TAOK3: variants seen among roughly 807,000 people sequenced by gnomAD.
The protein encoded by TAOK3 is TAO kinase 3.
TAOK3 carries 40 observed loss-of-function variants against 120.4 expected under a neutral mutation model. The ratio of observed to expected loss-of-function variants is 0.33; its 90% CI spans 0.26 to 0.43. The LOEUF (loss-of-function observed/expected upper bound fraction) is 0.43. Among genes scored for constraint, TAOK3 ranks in the 20% least tolerant of loss-of-function variants. The probability of loss-of-function intolerance (pLI) is 1.00; values close to 1 mark genes in which losing one functional copy is unlikely to be tolerated. For missense variants in TAOK3, 821 were observed against 1,112.1 expected, an observed-to-expected ratio of 0.74 and a Z score of 3.72; for synonymous variants, 355 against 387.5, an observed-to-expected ratio of 0.92 and a Z score of 0.99.
chr12:118,312,967 GC>G (rs1208796855), intron 1 of TAOK3, among the ~76,000 whole-genome samples: 1 of 152,136 alleles, frequency 6.6e-6, no homozygotes, highest in African/African-American at 2.4e-5. Flanking sequence ...GCTCTATTCT[GC>G]TGAGCCCTGT....
intron 9 of TAOK3, among the ~76,000 whole-genome samples, chr12:118,217,816 C>CAT (rs57197721): frequency 0.039 from 1,757 of 45,592 alleles, 31 homozygotes; most frequent in Non-Finnish European, 0.047. Flanking sequence ...TGTGTGTATA[C>CAT]ATATATATAT....
rs2035180783 is a variant in TAOK3 at position 118,160,962 on chromosome 12, CTTG to C, written c.2140-607_2140-605del. ...TTTTTTTCCCCATTAAGAGGTTGTG[CTTG>C]CATGTAGCAATATAAAATATGCATT... is the stretch of plus-strand genomic sequence containing the variant. On this transcript the variant is annotated intron_variant, in intron 18 of 20. Coordinates refer to ENST00000392533, the MANE Select transcript of TAOK3 (RefSeq NM_016281.4). This position sits in a 1 kb window ranked among gnomAD's most constrained non-coding sequence, Gnocchi z 4.2. Among the ~76,000 whole-genome samples, 1 of 152,140 alleles carries C rather than the reference CTTG, an allele frequency of 6.6e-6. No individual in the cohort carries two copies. The highest frequency in any genetic ancestry group is 1.5e-5 in the Non-Finnish European group (1 of 68,018).
intron 1 of TAOK3, among the ~76,000 whole-genome samples, chr12:118,361,139 T>A (rs2045584773): frequency 6.6e-6 from 1 of 152,192 alleles, no homozygotes; most frequent in Non-Finnish European, 1.5e-5. Context: ...ACAAGTGAAA[T>A]TTTTTCTCAA....
At position 118,207,746 on chromosome 12, in the gene TAOK3, T is replaced by C. The variant is rs139158909; in HGVS notation, c.819+5168A>G. Among the ~76,000 whole-genome samples, 137 of 151,980 alleles carry C rather than the reference T, an allele frequency of 9.0e-4. 2 individuals carry two copies. In the East Asian group the frequency reaches 0.014, roughly 16 times the overall value. ...GGCGTGTGCCTGTAATCCCAGCTGC[T>C]CAGGAGGCTGGGGCAGGAGAATTGC... On this transcript the variant is annotated intron_variant, in intron 11 of 20. Transcript: ENST00000392533.
chr12:118,157,000 A>G (rs1321992549), intron 19 of TAOK3, among the ~76,000 whole-genome samples: 1 of 152,088 alleles, frequency 6.6e-6, no homozygotes, highest in Non-Finnish European at 1.5e-5. Flanking sequence ...TCGGCCTCCC[A>G]AAGTGCTAGG....
chr12:118,221,454 T>G (rs960561315), intron 9 of TAOK3, among the ~76,000 whole-genome samples: 1 of 152,054 alleles, frequency 6.6e-6, no homozygotes, highest in African/African-American at 2.4e-5. Context: ...CTCAAACTCC[T>G]GACCTCAGGT....
intron 11 of TAOK3, 144 bp downstream of exon 11, chr12:118,212,764 TCTATGC>T (rs2038696087): frequency 5.5e-6 from 3 of 547,370 alleles, no homozygotes; most frequent in Non-Finnish European, 9.7e-6. Flanking sequence ...TCTTGCTATT[TCTATGC>T]CTAGCTACTT....
chr12:118,196,355 T>G (rs929843734), intron 13 of TAOK3, among the ~76,000 whole-genome samples: 1 of 152,106 alleles, frequency 6.6e-6, no homozygotes, highest in South Asian at 2.1e-4. Context: ...TTAAGGTCCT[T>G]CTTTGAAAAA....
chr12:118,255,180 A>G (rs1366329651), intron 3 of TAOK3, among the ~76,000 whole-genome samples: 1 of 152,250 alleles, frequency 6.6e-6, no homozygotes, highest in Non-Finnish European at 1.5e-5. Flanking sequence ...ATTTGCCTCT[A>G]CGGTAGATAT....
At chr12:118,308,931 C>CAAAAA (rs60574584) in intron 1 of TAOK3, among the ~76,000 whole-genome samples, 5 of 30,056 alleles carry the variant, frequency 1.7e-4, no homozygotes, top group East Asian at 1.3e-3. Flanking sequence ...ACTCTGTCTC[C>CAAAAA]AAAAAAAAAA....
At chr12:118,215,875 C>A (rs73222056) in intron 9 of TAOK3, among the ~76,000 whole-genome samples, 1 of 151,714 alleles carries the variant, frequency 6.6e-6, no homozygotes, top group Non-Finnish European at 1.5e-5. Context: ...TGTGCCACCA[C>A]GCTGGACTAA....
At chr12:118,369,218 A>G (rs552398200) in intron 1 of TAOK3, among the ~76,000 whole-genome samples, 5 of 152,060 alleles carry the variant, frequency 3.3e-5, no homozygotes, top group Non-Finnish European at 7.4e-5. Context: ...TAAATAAGCA[A>G]GTCAAGGTAC....
chr12:118,212,778 C>T, intron 11 of TAOK3, 136 bp downstream of exon 11: 1 of 564,404 alleles, frequency 1.8e-6, no homozygotes, highest in Non-Finnish European at 3.1e-6. Flanking sequence ...TGCCTAGCTA[C>T]TTATCTCAGG....
At chr12:118,180,940 G>A (rs1410174020) in intron 15 of TAOK3, among the ~76,000 whole-genome samples, 2 of 151,934 alleles carry the variant, frequency 1.3e-5, no homozygotes, top group East Asian at 1.9e-4. Flanking sequence ...TGCCTTCCAG[G>A]TTCAAGCAAT....
In TAOK3 at chr12:118,255,368, C is replaced by T. The variant is rs1014407234; in HGVS notation, c.120+80G>A. On this transcript the variant is annotated intron_variant, in intron 3 of 20. Transcript: ENST00000392533. The stretch of plus-strand genomic sequence containing the variant: ...TTGGCCTTGCAAAGTGCTAGGATTA[C>T]AGGCGTGAGTCACTGTGCCAGGCCT... 2.7e-6 allele frequency: 4 copies of T among 1,500,256 alleles called. No individual in the cohort carries two copies. In the Middle Eastern group the frequency reaches 5.9e-4, roughly 220 times the overall value. 92.9% of individuals were successfully genotyped at this position (1,500,256 alleles called of 1,614,324 possible).
At chr12:118,267,558 C>T (rs1205307965) in intron 1 of TAOK3, among the ~76,000 whole-genome samples, 1 of 150,974 alleles carries the variant, frequency 6.6e-6, no homozygotes, top group Non-Finnish European at 1.5e-5. Flanking sequence ...GAAGTACATG[C>T]CCAATGTAGA....
intron 11 of TAOK3, among the ~76,000 whole-genome samples, chr12:118,207,858 T>TCTCACACACACACACA (rs147799225): frequency 6.2e-5 from 9 of 144,448 alleles, no homozygotes; most frequent in Admixed American, 2.1e-4. Context: ...AGACTCTGTC[T>TCTCACACACACACACA]CACACACACA....
chr12:118,268,632 C>T (rs1240917233), intron 1 of TAOK3, among the ~76,000 whole-genome samples: 1 of 152,218 alleles, frequency 6.6e-6, no homozygotes, highest in Non-Finnish European at 1.5e-5. Context: ...CATGTCTACT[C>T]TGCTAATGTA....
chr12:118,268,352 T>C (rs1293099686), intron 1 of TAOK3, among the ~76,000 whole-genome samples: 1 of 152,214 alleles, frequency 6.6e-6, no homozygotes, highest in East Asian at 1.9e-4. Flanking sequence ...GAATAATTTT[T>C]AGATGCTTGA....
Sources: gnomAD v4.1 joint callset for allele counts (sites outside exome capture counted in the v4.1 genomes callset) on GRCh38, gnomAD v4.1.1 for gene constraint, Gnocchi (gnomAD v3.1) non-coding constraint, MANE v1.5 for transcripts, NCBI Gene and HGNC (gene_info 2026-07-23, HGNC 2026-07-21) for gene names.